The following CHD5 variants were observed in gnomAD, a reference collection of about 807,000 sequenced individuals.
CHD5 encodes the protein ATP-dependent chromatin remodeler CHD5.
CHD5 carries 69 observed loss-of-function variants against 230.3 expected under a neutral mutation model. That is an observed-to-expected ratio of 0.30 (90% CI 0.25 to 0.37). The LOEUF (loss-of-function observed/expected upper bound fraction) is 0.37. CHD5 is among the 10% of genes least tolerant of loss of function. The pLI is 1.00. For synonymous variants in CHD5, 1,064 were observed against 1,065.9 expected, an observed-to-expected ratio of 1.00 and a Z score of 0.03; for missense variants, 1,827 against 2,622.8, an observed-to-expected ratio of 0.70 and a Z score of 6.63.
chr1:6,173,351 G>A (rs1181177924), intron 1 of CHD5, among the ~76,000 whole-genome samples: 2 of 151,926 alleles, frequency 1.3e-5, no homozygotes. Context: ...TGATCCACCC[G>A]CCTCGGCCTC....
intron 33 of CHD5, among the ~76,000 whole-genome samples, chr1:6,119,090 A>T (rs1666422890): frequency 6.6e-6 from 1 of 151,520 alleles, no homozygotes; most frequent in Non-Finnish European, 1.5e-5. Flanking sequence ...GAATAGAAAA[A>T]GGCGTAACAA....
At chr1:6,179,558 G>T (rs545586164) in intron 1 of CHD5, among the ~76,000 whole-genome samples, 6 of 151,396 alleles carry the variant, frequency 4.0e-5, no homozygotes, top group African/African-American at 1.5e-4. Flanking sequence ...GCACGGCGGC[G>T]GGACGCGAGC....
intron 15 of CHD5, among the ~76,000 whole-genome samples, chr1:6,137,942 G>A (rs1184605979): frequency 6.7e-6 from 1 of 149,812 alleles, no homozygotes; most frequent in Non-Finnish European, 1.5e-5. Flanking sequence ...CCCCTGGTGG[G>A]GGCCTGGACC....
intron 35 of CHD5, 61 bp downstream of exon 35, chr1:6,112,078 TA>T: frequency 6.3e-7 from 1 of 1,577,330 alleles, no homozygotes; most frequent in Non-Finnish European, 8.7e-7. Flanking sequence ...ACCACTGGTC[TA>T]GACTCCTGGG....
intron 38 of CHD5, among the ~76,000 whole-genome samples, chr1:6,108,063 A>G: frequency 8.3e-6 from 1 of 121,160 alleles, no homozygotes; most frequent in Non-Finnish European, 1.7e-5. Context: ...GGATGGAGGG[A>G]TGGAGGGATG....
At chr1:6,149,115 C>A in intron 8 of CHD5, 40 bp from the exon 9 acceptor site, 3 of 1,470,708 alleles carry the variant, frequency 2.0e-6, no homozygotes, top group South Asian at 1.4e-5. Flanking sequence ...TGGGCGGGGT[C>A]CCCGCTCCAC....
chr1:6,142,386 C>G lies in CHD5; in HGVS notation c.2235+28G>C. ...TGCCCTTGGCCAGGACCAGCCACCCCTCCTGGCCGCCTGCCCCGCCTGCCC... is the reference window on the plus strand; with the variant it reads ...TGCCCTTGGCCAGGACCAGCCACCCGTCCTGGCCGCCTGCCCCGCCTGCCC... On this transcript the variant is annotated intron_variant, in intron 14 of 41. Coordinates refer to ENST00000262450, the MANE Select transcript of CHD5 (RefSeq NM_015557.3). The surrounding 1 kb of genome is among the most constrained non-coding windows in gnomAD (Gnocchi z 5.2). 4 of 1,596,836 alleles carry G rather than the reference C, an allele frequency of 2.5e-6. No homozygotes were observed. Among genetic ancestry groups the G allele is most frequent in the Non-Finnish European group, 3.4e-6 (4 of 1,167,838 alleles).
Position 6,126,233 on chromosome 1 carries a change from C to T in CHD5, c.4078+339G>A, listed in dbSNP as rs1297899838. On this transcript the variant is annotated intron_variant, in intron 26 of 41. Coordinates refer to ENST00000262450, the MANE Select transcript of CHD5 (RefSeq NM_015557.3). This position sits in a 1 kb window ranked among gnomAD's most constrained non-coding sequence, Gnocchi z 5.7. ...CCCAGCTCCAACCAGCGCCGCCCAG[C>T]GTTCCTGGCCCCCACCTCCCGGGGG... Among the ~76,000 whole-genome samples the T allele has an allele frequency of 6.6e-6, 1 of 152,192 alleles. No individual in the cohort carries two copies. The highest frequency in any genetic ancestry group is 2.4e-5 in the African/African-American group (1 of 41,442).
intron 33 of CHD5, among the ~76,000 whole-genome samples, chr1:6,119,852 A>T (rs539999923): frequency 3.2e-5 from 4 of 124,554 alleles, no homozygotes; most frequent in East Asian, 2.8e-4. Context: ...TGTGTGTATT[A>T]TATATATATA....
chr1:6,148,082 C>CA (rs1339538390), intron 9 of CHD5, among the ~76,000 whole-genome samples: 1 of 152,136 alleles, frequency 6.6e-6, no homozygotes, highest in East Asian at 1.9e-4. Flanking sequence ...GGCCCCTACA[C>CA]AGACACAGAC....
At position 6,126,884 on chromosome 1, in the gene CHD5, CCTT is replaced by C; in HGVS notation, c.3904-141_3904-139del. ...GGGATGGCCTGCCTACTCCAGGAAG[CCTT>C]CTCTGATCACCCCGGCCCTAGCTAG... On this transcript the variant is annotated intron_variant, in intron 25 of 41. Coordinates refer to ENST00000262450, the MANE Select transcript of CHD5 (RefSeq NM_015557.3). The surrounding 1 kb of genome is among the most constrained non-coding windows in gnomAD (Gnocchi z 5.7). 2.8e-6 allele frequency: 2 copies of C among 725,218 alleles called. No homozygotes were observed. The highest frequency in any genetic ancestry group is 4.5e-6 in the Non-Finnish European group (2 of 441,414). The allele number at this position is 725,218 out of a possible 1,614,324, so 44.9% of individuals were successfully genotyped here.
Position 6,160,393 on chromosome 1 carries a change from GGAAGGGCCCCAGCCAGA to G in CHD5, c.208-895_208-879del, listed in dbSNP as rs1221007084. Among the ~76,000 whole-genome samples, 128 of 112,190 alleles carry G rather than the reference GGAAGGGCCCCAGCCAGA, an allele frequency of 1.1e-3. 1 individual carries two copies. The highest frequency in any genetic ancestry group is 3.6e-3 in the African/African-American group (90 of 25,290). 73.6% of individuals were successfully genotyped at this position (112,190 alleles called of 152,430 possible). On this transcript the variant is annotated intron_variant, in intron 2 of 41. Transcript: ENST00000262450. ...GCCAGAGAAGAAGAGCCCTAGCCAG[GGAAGGGCCCCAGCCAGA>G]GAAGGGCCCCAGCCAGAGAAGGAGA...
In CHD5 at chr1:6,128,351, C is replaced by A. The variant is rs1487686530; in HGVS notation, c.3731-133G>T. Reference sequence around the variant, plus strand: ...GCAGCTGAGAGGCATGGTGACCAGACAGAGGAAACTGCGCTGTAACAGCCC... The same window carrying A: ...GCAGCTGAGAGGCATGGTGACCAGAAAGAGGAAACTGCGCTGTAACAGCCC... On this transcript the variant is annotated intron_variant, in intron 24 of 41. Transcript: ENST00000262450. This position sits in a 1 kb window ranked among gnomAD's most constrained non-coding sequence, Gnocchi z 7.8. 2 of 1,128,668 alleles carry A rather than the reference C, an allele frequency of 1.8e-6. No individual in the cohort carries two copies. The highest frequency in any genetic ancestry group is 2.6e-6 in the Non-Finnish European group (2 of 779,812). 69.9% of individuals were successfully genotyped at this position (1,128,668 alleles called of 1,614,324 possible).
At position 6,126,762 on chromosome 1, in the gene CHD5, C is replaced by T. The variant is rs375192487; in HGVS notation, c.3904-16G>A. 31 of 1,609,514 alleles carry T rather than the reference C, an allele frequency of 1.9e-5. No homozygotes were observed. The African/African-American group carries it at 4.1e-4, about 21-fold the overall frequency. ...CCACCTCCTCCTGGGGACGCAGCAC[C>T]ACGGGTTCCATGGGTGGAGCCATCT... is the stretch of plus-strand genomic sequence containing the variant. On this transcript the variant is annotated splice_polypyrimidine_tract_variant and intron_variant, in intron 25 of 41. Coordinates refer to ENST00000262450, the MANE Select transcript of CHD5 (RefSeq NM_015557.3). This position sits in a 1 kb window ranked among gnomAD's most constrained non-coding sequence, Gnocchi z 5.7.
Position 6,179,818 on chromosome 1 carries a change from C to A in CHD5, c.79+127G>T, listed in dbSNP as rs557990274. The A allele has an allele frequency of 4.7e-3, 1,287 of 273,196 alleles. 26 individuals carry two copies. Among genetic ancestry groups the A allele is most frequent in the African/African-American group, 0.028 (1,192 of 43,152 alleles). The allele number at this position is 273,196 out of a possible 1,614,324, so 16.9% of individuals were successfully genotyped here. A position where few individuals can be genotyped will look rare whatever the true frequency, so the allele number is the denominator to read the frequency against. ...GCAGGGCGGGAGCGCAGCCCCGCAA[C>A]CCGGGTGCCCCTCCTGCGAGGCGCC... is the stretch of plus-strand genomic sequence containing the variant. On this transcript the variant is annotated intron_variant, in intron 1 of 41. Coordinates refer to ENST00000262450, the MANE Select transcript of CHD5 (RefSeq NM_015557.3).
At chr1:6,139,066 G>A (rs899463477) in intron 15 of CHD5, among the ~76,000 whole-genome samples, 4 of 152,152 alleles carry the variant, frequency 2.6e-5, no homozygotes, top group Admixed American at 6.6e-5. Flanking sequence ...AGTCAACCTC[G>A]TGGAGACAGA....
At chr1:6,164,907 A>AAG (rs1667228978) in intron 2 of CHD5, among the ~76,000 whole-genome samples, 2 of 152,062 alleles carry the variant, frequency 1.3e-5, no homozygotes, top group Admixed American at 1.3e-4. Context: ...GTACAGGGGG[A>AAG]AGAGAGAAAA....
chr1:6,124,330 T>C (rs1424177470), intron 30 of CHD5, among the ~76,000 whole-genome samples, 187 bp downstream of exon 30: 1 of 73,308 alleles, frequency 1.4e-5, no homozygotes, highest in Non-Finnish European at 2.5e-5. Context: ...CCCACCATCC[T>C]GGCCTCCACC....
At chr1:6,160,589 C>T (rs57075839) in intron 2 of CHD5, among the ~76,000 whole-genome samples, 4,183 of 152,288 alleles carry the variant, frequency 0.027, 189 homozygotes, top group African/African-American at 0.096. Flanking sequence ...CATGGAACTG[C>T]GTTCGTCAGG....
Sources: allele counts gnomAD v4.1 joint callset (sites outside exome capture counted in the v4.1 genomes callset), GRCh38; gene constraint gnomAD v4.1.1; non-coding constraint Gnocchi (gnomAD v3.1); transcripts MANE v1.5; gene names NCBI Gene and HGNC (gene_info 2026-07-23, HGNC 2026-07-21).